Variants in PTPRD observed in about 807,000 individuals in gnomAD.
PTPRD encodes the protein protein tyrosine phosphatase receptor type D.
In PTPRD, 34 loss-of-function variants were observed where a neutral mutation model predicts 214.5. The ratio of observed to expected loss-of-function variants is 0.16; its 90% CI spans 0.12 to 0.21. The LOEUF (loss-of-function observed/expected upper bound fraction) is 0.21. Ranked by LOEUF, PTPRD falls within the 10% of genes least tolerant of loss-of-function variation. The pLI is 1.00. For synonymous variants in PTPRD, 1,128 were observed against 845.7 expected, an observed-to-expected ratio of 1.33 and a Z score of -5.79; for missense variants, 2,545 against 2,398.7, an observed-to-expected ratio of 1.06 and a Z score of -1.27.
intron 3 of PTPRD, among the ~76,000 whole-genome samples, chr9:10,253,990 C>A (rs762272144): frequency 2.6e-5 from 4 of 152,098 alleles, no homozygotes; most frequent in Non-Finnish European, 5.9e-5. Flanking sequence ...AATTCTATAG[C>A]AATACATATG....
intron 44 of PTPRD, among the ~76,000 whole-genome samples, chr9:8,321,479 G>GTATA (rs1265617885): frequency 2.6e-4 from 15 of 58,120 alleles, no homozygotes; most frequent in African/African-American, 8.6e-4. Flanking sequence ...GTGTGTGTGT[G>GTATA]TGTGTGTGTA....
chr9:8,912,637 C>T (rs1454463585), intron 11 of PTPRD, among the ~76,000 whole-genome samples: 1 of 151,724 alleles, frequency 6.6e-6, no homozygotes, highest in Admixed American at 6.6e-5. Context: ...TGAATTATAC[C>T]CCTATAAAGC....
intron 7 of PTPRD, among the ~76,000 whole-genome samples, chr9:9,714,027 T>C (rs972522267): frequency 1.3e-5 from 2 of 149,158 alleles, no homozygotes; most frequent in Non-Finnish European, 2.9e-5. Flanking sequence ...GTGTAGCTTA[T>C]GCAGATATAT....
chr9:9,056,269 G>A (rs187948556), intron 10 of PTPRD, among the ~76,000 whole-genome samples: 35 of 152,202 alleles, frequency 2.3e-4, no homozygotes, highest in Non-Finnish European at 2.9e-5. Context: ...ATACATTTAT[G>A]GATGATCAGA....
chr9:9,118,183 C>T (rs182157966), intron 10 of PTPRD, among the ~76,000 whole-genome samples: 2 of 152,252 alleles, frequency 1.3e-5, no homozygotes, highest in East Asian at 3.9e-4. Flanking sequence ...TTGAAAGATG[C>T]ATAACACTAT....
chr9:9,959,713 G>A (rs938251832), intron 4 of PTPRD, among the ~76,000 whole-genome samples: 18 of 152,046 alleles, frequency 1.2e-4, no homozygotes, highest in Non-Finnish European at 2.6e-4. Flanking sequence ...TTTTCCACAG[G>A]GTACAGGTTA....
chr9:9,491,300 A>G (rs1051438437), intron 8 of PTPRD, among the ~76,000 whole-genome samples: 17 of 152,028 alleles, frequency 1.1e-4, no homozygotes, highest in Non-Finnish European at 2.2e-4. Flanking sequence ...GACATATGAA[A>G]CAAAAACTGA....
At position 9,143,607 on chromosome 9, in the gene PTPRD, A is replaced by T. The variant is rs146914387; in HGVS notation, c.-143+39697T>A. ...ATGGCATAATTAACAGTCACAGGAG[A>T]TCATCCCAATATGGGTCTCTTCAAA... On this transcript the variant is annotated intron_variant, in intron 10 of 45. Coordinates refer to ENST00000381196, the MANE Select transcript of PTPRD (RefSeq NM_002839.4). 7.2e-3 allele frequency among the ~76,000 whole-genome samples: 1,091 copies of T among 152,306 alleles called. 49 individuals carry two copies. The highest frequency in any genetic ancestry group is 0.064 in the Admixed American group (972 of 15,290).
intron 11 of PTPRD, among the ~76,000 whole-genome samples, chr9:8,981,999 A>G (rs952414117): frequency 6.6e-6 from 1 of 152,050 alleles, no homozygotes; most frequent in Non-Finnish European, 1.5e-5. Flanking sequence ...AAGACTTACT[A>G]TAAATGAAAG....
chr9:8,476,654 T>C (rs1326027688), intron 30 of PTPRD, among the ~76,000 whole-genome samples: 1 of 152,204 alleles, frequency 6.6e-6, no homozygotes, highest in Non-Finnish European at 1.5e-5. Flanking sequence ...CTATACATTT[T>C]CTTATACAAC....
intron 14 of PTPRD, among the ~76,000 whole-genome samples, chr9:8,538,566 T>C (rs749943844): frequency 1.3e-5 from 2 of 151,518 alleles, no homozygotes; most frequent in Admixed American, 6.6e-5. Flanking sequence ...TTGTGTAGTG[T>C]TGGATTGGAA....
chr9:10,350,742 T>A (rs1390888336), intron 2 of PTPRD, among the ~76,000 whole-genome samples: 1 of 152,144 alleles, frequency 6.6e-6, no homozygotes, highest in African/African-American at 2.4e-5. Context: ...ATAATTAGGA[T>A]TAAATTCATC....
intron 11 of PTPRD, among the ~76,000 whole-genome samples, chr9:8,750,461 T>A (rs192594923): frequency 7.7e-4 from 105 of 135,946 alleles, no homozygotes; most frequent in African/African-American, 3.6e-3. Context: ...CCCGGCCAAG[T>A]AAGTTTTTTT....
chr9:9,461,545 A>T (rs780186268), intron 8 of PTPRD, among the ~76,000 whole-genome samples: 3 of 152,134 alleles, frequency 2.0e-5, no homozygotes, highest in Non-Finnish European at 2.9e-5. Context: ...GTTAATATGA[A>T]AAGGGTTCTT....
chr9:9,889,354 A>C (rs1368900008), intron 5 of PTPRD, among the ~76,000 whole-genome samples: 1 of 152,176 alleles, frequency 6.6e-6, no homozygotes, highest in Non-Finnish European at 1.5e-5. Context: ...ATATGCTTCA[A>C]AACATCATGG....
chr9:8,646,347 CTTTT>C, intron 12 of PTPRD, among the ~76,000 whole-genome samples: 1 of 152,198 alleles, frequency 6.6e-6, no homozygotes. Flanking sequence ...GACTACAGCT[CTTTT>C]CCGCTCAAAA....
intron 3 of PTPRD, among the ~76,000 whole-genome samples, chr9:10,103,149 G>A (rs2098579079): frequency 6.6e-6 from 1 of 151,450 alleles, no homozygotes; most frequent in Admixed American, 6.6e-5. Flanking sequence ...TGAACAAGGA[G>A]CACGCATCTT....
At chr9:9,040,233 C>A (rs1220064810) in intron 10 of PTPRD, among the ~76,000 whole-genome samples, 7 of 152,086 alleles carry the variant, frequency 4.6e-5, no homozygotes, top group African/African-American at 1.7e-4. Flanking sequence ...AATTTGTTAG[C>A]AAAATCAGGA....
chr9:8,426,520 T>A (rs1186287623), intron 35 of PTPRD, among the ~76,000 whole-genome samples: 1 of 152,126 alleles, frequency 6.6e-6, no homozygotes, highest in Non-Finnish European at 1.5e-5. Context: ...AGAGACAGAG[T>A]TGTTTCCTGA....
Sources: allele counts gnomAD v4.1 joint callset (sites outside exome capture counted in the v4.1 genomes callset), GRCh38; gene constraint gnomAD v4.1.1; transcripts MANE v1.5; gene names NCBI Gene and HGNC (gene_info 2026-07-23, HGNC 2026-07-21).